The following ATRN variants were observed in gnomAD, a reference collection of about 807,000 sequenced individuals.
The protein encoded by ATRN is attractin-2.
Under a neutral mutation model 178.7 loss-of-function variants are expected in ATRN, and 54 were observed. That is an observed-to-expected ratio of 0.30 (90% CI 0.24 to 0.38). The LOEUF (loss-of-function observed/expected upper bound fraction) is 0.38, where lower values mean the gene tolerates loss of function less well. Ranked by LOEUF, ATRN falls within the 10% of genes least tolerant of loss-of-function variation. The pLI is 1.00. For synonymous variants in ATRN, 636 were observed against 663.0 expected, an observed-to-expected ratio of 0.96 and a Z score of 0.63; for missense variants, 1,443 against 1,815.1, an observed-to-expected ratio of 0.79 and a Z score of 3.73.
intron 1 of ATRN, among the ~76,000 whole-genome samples, chr20:3,525,514 G>A (rs1031152210): frequency 2.6e-5 from 4 of 152,020 alleles, no homozygotes; most frequent in African/African-American, 4.8e-5. Flanking sequence ...AATTCCAAAC[G>A]ACAGAAAAAG....
At chr20:3,565,221 A>T (rs757238278) in intron 10 of ATRN, 127 bp from the exon 11 acceptor site, 75 of 681,712 alleles carry the variant, frequency 1.1e-4, no homozygotes, top group Non-Finnish European at 1.7e-4. Context: ...ATGATGTTGT[A>T]ACTGAGAAAA....
chr20:3,512,375 G>A (rs1226633266), intron 1 of ATRN, among the ~76,000 whole-genome samples: 2 of 149,928 alleles, frequency 1.3e-5, no homozygotes, highest in Non-Finnish European at 3.0e-5. Flanking sequence ...TTTTGTCCTT[G>A]CGATAGTTTG....
intron 10 of ATRN, among the ~76,000 whole-genome samples, chr20:3,564,244 G>A (rs560830630): frequency 2.0e-5 from 3 of 152,330 alleles, no homozygotes; most frequent in East Asian, 3.9e-4. Context: ...GCACTTCAGG[G>A]TGTTTCTGGC....
chr20:3,566,312 C>T (rs2086035297), intron 11 of ATRN, among the ~76,000 whole-genome samples: 1 of 152,130 alleles, frequency 6.6e-6, no homozygotes, highest in South Asian at 2.1e-4. Context: ...TTCAAAAAAT[C>T]GGCCCTTGGA....
At chr20:3,544,292 TG>T (rs1314306760) in intron 3 of ATRN, among the ~76,000 whole-genome samples, 2 of 152,214 alleles carry the variant, frequency 1.3e-5, no homozygotes, top group African/African-American at 4.8e-5. Context: ...GTCAGATTTC[TG>T]GGCATGAGCA....
intron 1 of ATRN, among the ~76,000 whole-genome samples, chr20:3,473,376 A>G (rs553253365): frequency 6.6e-6 from 1 of 152,266 alleles, no homozygotes; most frequent in South Asian, 2.1e-4. Flanking sequence ...CTGAGGGGCC[A>G]GCAGGTACAG....
intron 1 of ATRN, chr20:3,489,451 A>G (rs2084750196): frequency 1.2e-6 from 1 of 835,892 alleles, no homozygotes; most frequent in East Asian, 2.4e-5. Context: ...CTTTAAGAGA[A>G]TTTGGTTGGG....
intron 9 of ATRN, 108 bp downstream of exon 9, chr20:3,562,567 G>C: frequency 8.9e-7 from 1 of 1,127,608 alleles, no homozygotes; most frequent in Non-Finnish European, 1.3e-6. Flanking sequence ...AGATAATTCT[G>C]TTCGGCATTA....
At chr20:3,550,221 A>G (rs1600098496) in intron 6 of ATRN, among the ~76,000 whole-genome samples, 1 of 152,198 alleles carries the variant, frequency 6.6e-6, no homozygotes, top group Non-Finnish European at 1.5e-5. Context: ...TCAGCTGCTC[A>G]GGAGGCTGAG....
At chr20:3,586,741 A>T (rs2086362554) in intron 18 of ATRN, among the ~76,000 whole-genome samples, 1 of 152,132 alleles carries the variant, frequency 6.6e-6, no homozygotes. Flanking sequence ...TGCCATTTAT[A>T]TGAAATGTCC....
intron 18 of ATRN, among the ~76,000 whole-genome samples, chr20:3,587,477 A>AT (rs57776247): frequency 2.7e-5 from 4 of 147,830 alleles, no homozygotes; most frequent in Non-Finnish European, 4.5e-5. Flanking sequence ...TGTTGAAAAG[A>AT]TTTTTTTTTT....
chr20:3,616,485 A>G (rs1324091271), intron 24 of ATRN, among the ~76,000 whole-genome samples: 1 of 144,730 alleles, frequency 6.9e-6, no homozygotes, highest in East Asian at 2.3e-4. Context: ...CCTAAGGAGC[A>G]TGGGGGCGGG....
intron 1 of ATRN, among the ~76,000 whole-genome samples, chr20:3,533,287 C>CATG (rs2085479789): frequency 6.6e-6 from 1 of 152,216 alleles, no homozygotes; most frequent in Non-Finnish European, 1.5e-5. Context: ...GCCCTCACAT[C>CATG]TAAGTATTAG....
Position 3,554,487 on chromosome 20 carries a change from C to T in ATRN, c.1113-4906C>T, listed in dbSNP as rs1198173584. Among the ~76,000 whole-genome samples, 9 of 152,034 alleles carry T rather than the reference C, an allele frequency of 5.9e-5. No homozygotes were observed. The East Asian group carries it at 1.5e-3, about 26-fold the overall frequency. Reference sequence around the variant, plus strand: ...AGTAGCTGGGACTACAGGGGCCTGCCACCACGCCCAGTTAATTTTTTGTAT... The same window carrying T: ...AGTAGCTGGGACTACAGGGGCCTGCTACCACGCCCAGTTAATTTTTTGTAT... On this transcript the variant is annotated intron_variant, in intron 6 of 28. Coordinates refer to ENST00000262919, the MANE Select transcript of ATRN (RefSeq NM_139321.3).
chr20:3,509,854 T>G (rs1235325607), intron 1 of ATRN, among the ~76,000 whole-genome samples: 1 of 152,288 alleles, frequency 6.6e-6, no homozygotes, highest in Non-Finnish European at 1.5e-5. Context: ...AGTGCAAGAA[T>G]AAAAACAGTG....
At chr20:3,634,743 G>A (rs6051989) in intron 26 of ATRN, among the ~76,000 whole-genome samples, 25,799 of 152,124 alleles carry the variant, frequency 0.17, 4,503 homozygotes, top group African/African-American at 0.45. Flanking sequence ...ATTAGGCACC[G>A]CCTTCATGAG....
chr20:3,471,170 G>A lies in ATRN; in HGVS notation c.63G>A (p.Ala21=), dbSNP rs570891647. The change falls in exon 1 of 29, where the codon GCG becomes GCA. Residue 21 remains alanine (A), a synonymous_variant. Coordinates refer to ENST00000262919, the MANE Select transcript of ATRN (RefSeq NM_139321.3). ...RLRRRTAATA[A]LAGRSGGPHW... Reference sequence around the variant, plus strand: ...GGAGGAGGACGGCGGCGACGGCAGCGCTCGCGGGCAGGAGCGGCGGGCCGC... The same window carrying A: ...GGAGGAGGACGGCGGCGACGGCAGCACTCGCGGGCAGGAGCGGCGGGCCGC... 2.3e-4 allele frequency: 349 copies of A among 1,503,938 alleles called. No homozygotes were observed. Among genetic ancestry groups the A allele is most frequent in the Non-Finnish European group, 2.9e-4 (326 of 1,133,294 alleles). The allele number at this position is 1,503,938 out of a possible 1,614,324, so 93.2% of individuals were successfully genotyped here. A position where few individuals can be genotyped will look rare whatever the true frequency, so the allele number is the denominator to read the frequency against.
At chr20:3,618,958 TTCCATCCTTTGCAAAGCCAA>T (rs2086874745) in intron 24 of ATRN, among the ~76,000 whole-genome samples, 1 of 152,228 alleles carries the variant, frequency 6.6e-6, no homozygotes, top group South Asian at 2.1e-4. Flanking sequence ...TCACGGAATC[TTCCATCCTTTGCAAAGCCAA>T]GAAGAGTAGA....
chr20:3,516,587 G>A (rs1408094790), intron 1 of ATRN, among the ~76,000 whole-genome samples: 1 of 152,174 alleles, frequency 6.6e-6, no homozygotes, highest in African/African-American at 2.4e-5. Context: ...CCCAAACTCA[G>A]ATGCACTTTA....
Sources: allele counts gnomAD v4.1 joint callset (sites outside exome capture counted in the v4.1 genomes callset), GRCh38; gene constraint gnomAD v4.1.1; transcripts MANE v1.5; gene names NCBI Gene and HGNC (gene_info 2026-07-23, HGNC 2026-07-21).